The following ARHGAP24 variants were observed in gnomAD, a reference collection of about 807,000 sequenced individuals.
ARHGAP24 encodes Rho GTPase activating protein 24.
Under a neutral mutation model 76.4 loss-of-function variants are expected in ARHGAP24, and 50 were observed. That is an observed-to-expected ratio of 0.65 (90% CI 0.52 to 0.83). The LOEUF (loss-of-function observed/expected upper bound fraction) is 0.83, where lower values mean the gene tolerates loss of function less well. Among genes scored for constraint, ARHGAP24 ranks in the 40% least tolerant of loss-of-function variants. ARHGAP24 has a pLI of 0.00. For missense variants in ARHGAP24, 930 were observed against 914.2 expected (o/e 1.02, Z -0.22); for synonymous variants, 345 against 323.3 (o/e 1.07, Z -0.72).
chr4:85,764,846 A>G (rs1726866016), intron 3 of ARHGAP24, among the ~76,000 whole-genome samples: 1 of 150,264 alleles, frequency 6.7e-6, no homozygotes, highest in African/African-American at 2.5e-5. Context: ...ACAACTACTT[A>G]TTAGCATTTG....
chr4:85,946,988 C>A (rs1737306674), intron 5 of ARHGAP24, among the ~76,000 whole-genome samples: 1 of 152,152 alleles, frequency 6.6e-6, no homozygotes, highest in African/African-American at 2.4e-5. Context: ...GCCTCACCAA[C>A]ATCTGTTATT....
At chr4:85,761,497 G>A (rs1578204622) in intron 3 of ARHGAP24, among the ~76,000 whole-genome samples, 1 of 152,148 alleles carries the variant, frequency 6.6e-6, no homozygotes, top group Middle Eastern at 3.2e-3. Flanking sequence ...TGGAAGTAGC[G>A]ATCAAGAGAA....
intron 2 of ARHGAP24, among the ~76,000 whole-genome samples, chr4:85,622,710 A>C (rs148147710): frequency 1.2e-4 from 18 of 152,214 alleles, no homozygotes; most frequent in South Asian, 4.2e-4. Flanking sequence ...TACAGTCCCA[A>C]CAACAGTGTA....
intron 1 of ARHGAP24, among the ~76,000 whole-genome samples, chr4:85,526,756 G>T (rs1355369170): frequency 1.3e-5 from 2 of 152,076 alleles, no homozygotes; most frequent in African/African-American, 4.8e-5. Context: ...TTGAATACCT[G>T]AGTGTCAATA....
At chr4:85,550,127 G>A (rs1726070741) in intron 1 of ARHGAP24, among the ~76,000 whole-genome samples, 1 of 152,166 alleles carries the variant, frequency 6.6e-6, no homozygotes, top group Admixed American at 6.5e-5. Flanking sequence ...TCAATAATGG[G>A]ATTGCTGTAT....
chr4:85,497,437 T>G (rs1185640734), intron 1 of ARHGAP24, among the ~76,000 whole-genome samples: 1 of 152,214 alleles, frequency 6.6e-6, no homozygotes, highest in East Asian at 1.9e-4. Context: ...ATTATATAAA[T>G]GCAAAATATA....
intron 1 of ARHGAP24, among the ~76,000 whole-genome samples, chr4:85,568,296 G>A (rs1726926848): frequency 6.7e-6 from 1 of 149,030 alleles, no homozygotes; most frequent in Non-Finnish European, 1.5e-5. Context: ...AGATTTGTGT[G>A]TGCATGTTTG....
chr4:85,536,882 T>A (rs1725489856), intron 1 of ARHGAP24, among the ~76,000 whole-genome samples: 1 of 152,120 alleles, frequency 6.6e-6, no homozygotes, highest in African/African-American at 2.4e-5. Context: ...TATCAACATT[T>A]TAGGTCATAG....
At chr4:85,495,424 C>G (rs142334910) in intron 1 of ARHGAP24, among the ~76,000 whole-genome samples, 42 of 139,992 alleles carry the variant, frequency 3.0e-4, no homozygotes, top group African/African-American at 9.5e-4. Flanking sequence ...GATCTCGGCT[C>G]ACTGCAAGCC....
At chr4:85,494,894 C>T (rs1269471915) in intron 1 of ARHGAP24, among the ~76,000 whole-genome samples, 3 of 151,596 alleles carry the variant, frequency 2.0e-5, no homozygotes, top group South Asian at 2.1e-4. Context: ...GTCAGGAGTT[C>T]GAGACCAGTC....
chr4:85,614,277 G>T (rs1017850185), intron 2 of ARHGAP24, among the ~76,000 whole-genome samples: 2 of 152,068 alleles, frequency 1.3e-5, no homozygotes, highest in Admixed American at 1.3e-4. Context: ...TTTACCAGTT[G>T]TATGACATTG....
At chr4:85,942,476 T>C (rs1737008982) in intron 5 of ARHGAP24, 3 of 559,024 alleles carry the variant, frequency 5.4e-6, no homozygotes, top group African/African-American at 1.9e-5. Flanking sequence ...TTCCATACTT[T>C]CCATCTTAAA....
chr4:85,920,443 GCAATACCATTCAGGA>G lies in ARHGAP24; in HGVS notation c.269-3202_269-3188del, dbSNP rs1560718234. On this transcript the variant is annotated intron_variant, in intron 3 of 9. Coordinates refer to ENST00000395184, the MANE Select transcript of ARHGAP24 (RefSeq NM_001025616.3). ...ATAAAAACCCTGGAAGACAACCTAG[GCAATACCATTCAGGA>G]CATAGACACAGGCAAAGATTTCATG... 5.3e-5 allele frequency among the ~76,000 whole-genome samples: 8 copies of G among 152,186 alleles called. No individual in the cohort carries two copies. In the South Asian group the frequency reaches 1.7e-3, roughly 32 times the overall value.
At chr4:85,723,647 A>G (rs1444380657) in intron 3 of ARHGAP24, 1 of 152,244 alleles carries the variant, frequency 6.6e-6, no homozygotes, top group Admixed American at 6.5e-5. Flanking sequence ...TGAATTATTA[A>G]TACAGTATGT....
intron 2 of ARHGAP24, among the ~76,000 whole-genome samples, chr4:85,721,652 C>T (rs1445687765): frequency 2.6e-5 from 4 of 152,138 alleles, no homozygotes; most frequent in Non-Finnish European, 5.9e-5. Context: ...ATGAATCTAG[C>T]AGCTAACATA....
At chr4:85,923,524 T>C (rs891641695) in intron 3 of ARHGAP24, 124 bp from the exon 4 acceptor site, 1 of 1,350,632 alleles carries the variant, frequency 7.4e-7, no homozygotes, top group Non-Finnish European at 1.0e-6. Context: ...AAATATTTCA[T>C]CATTGGGTAG....
At chr4:85,603,162 T>A (rs781777572) in intron 2 of ARHGAP24, among the ~76,000 whole-genome samples, 2 of 152,254 alleles carry the variant, frequency 1.3e-5, no homozygotes, top group Non-Finnish European at 2.9e-5. Flanking sequence ...GATTTTTACA[T>A]AATTAACATA....
Position 85,504,231 on chromosome 4 carries a change from G to A in ARHGAP24, c.-21+28672G>A, listed in dbSNP as rs531924882. Among the ~76,000 whole-genome samples the A allele has an allele frequency of 2.6e-5, 4 of 152,290 alleles. No homozygotes were observed. In the East Asian group the frequency reaches 7.7e-4, roughly 29 times the overall value. On this transcript the variant is annotated intron_variant, in intron 1 of 9. Coordinates refer to ENST00000395184, the MANE Select transcript of ARHGAP24 (RefSeq NM_001025616.3). ...GGAGAGTTCTGTAGATGTCTATTAG[G>A]TCTGCTTGGTGCAGAGCTGAGTTCA...
intron 8 of ARHGAP24, among the ~76,000 whole-genome samples, chr4:85,989,656 A>T (rs1740207639): frequency 6.6e-6 from 1 of 151,722 alleles, no homozygotes; most frequent in Non-Finnish European, 1.5e-5. Flanking sequence ...TACTGGATTG[A>T]CTTCACCATA....
Sources: gnomAD v4.1 joint callset for allele counts (sites outside exome capture counted in the v4.1 genomes callset) on GRCh38, gnomAD v4.1.1 for gene constraint, MANE v1.5 for transcripts, NCBI Gene and HGNC (gene_info 2026-07-23, HGNC 2026-07-21) for gene names.